Variants in MIER2 observed in about 807,000 individuals in gnomAD.
The protein encoded by MIER2 is mesoderm induction early response protein 2.
Under a neutral mutation model 67.6 loss-of-function variants are expected in MIER2, and 30 were observed. The ratio of observed to expected loss-of-function variants is 0.44; its 90% confidence interval spans 0.33 to 0.60. The LOEUF is 0.60. Among genes scored for constraint, MIER2 ranks in the 20% least tolerant of loss-of-function variants. The pLI is 0.02. For missense variants in MIER2, 702 were observed against 745.1 expected (o/e 0.94, Z 0.67); for synonymous variants, 372 against 312.6 (o/e 1.19, Z -2.00).
At chr19:330,142 G>T (rs1019374625) in intron 3 of MIER2, 1 of 152,156 alleles carries the variant, frequency 6.6e-6, no homozygotes, top group African/African-American at 2.4e-5. Flanking sequence ...TGCAAGCCAG[G>T]GGGGCTGTTA....
intron 6 of MIER2, 27 bp from the exon 7 acceptor site, chr19:325,731 G>GTGC: frequency 6.2e-7 from 1 of 1,613,892 alleles, no homozygotes; most frequent in Non-Finnish European, 8.5e-7. Flanking sequence ...TGGGAATCAG[G>GTGC]ACACTGAGGA....
chr19:318,823 G>A (rs940677341), intron 7 of MIER2, among the ~76,000 whole-genome samples: 14 of 152,052 alleles, frequency 9.2e-5, no homozygotes, highest in Admixed American at 3.9e-4. Context: ...TTGGGAGGCC[G>A]AGGCGGGCAG....
At chr19:319,081 A>C (rs1414276863) in intron 7 of MIER2, among the ~76,000 whole-genome samples, 1 of 151,442 alleles carries the variant, frequency 6.6e-6, no homozygotes, top group Non-Finnish European at 1.5e-5. Context: ...ATCAGTAAAA[A>C]GGCTGGGTGC....
intron 7 of MIER2, among the ~76,000 whole-genome samples, chr19:319,008 G>A (rs1048048216): frequency 2.8e-5 from 4 of 144,480 alleles, no homozygotes; most frequent in African/African-American, 1.0e-4. Flanking sequence ...AGTGAACAGA[G>A]TTCACGCCAC....
chr19:321,162 G>A (rs72984471), intron 7 of MIER2, among the ~76,000 whole-genome samples: 21 of 152,006 alleles, frequency 1.4e-4, no homozygotes, highest in Non-Finnish European at 2.4e-4. Context: ...ATCTGCTGGC[G>A]CCTGACCGTA....
At chr19:336,492 AAC>A (rs1568237344) in intron 1 of MIER2, among the ~76,000 whole-genome samples, 3 of 152,226 alleles carry the variant, frequency 2.0e-5, no homozygotes, top group African/African-American at 7.2e-5. Flanking sequence ...GATGAAGCTC[AAC>A]AACAGCATGC....
chr19:325,583 C>T, intron 7 of MIER2, 52 bp downstream of exon 7: 5 of 1,601,086 alleles, frequency 3.1e-6, no homozygotes, highest in East Asian at 2.2e-5. Context: ...TCCAGCCAGG[C>T]CACTCCCCTT....
chr19:326,040 G>A (rs1037126918), intron 6 of MIER2, among the ~76,000 whole-genome samples: 21 of 152,256 alleles, frequency 1.4e-4, no homozygotes, highest in African/African-American at 4.3e-4. Context: ...CGAGCAGCAC[G>A]TCCCTCCTCT....
At chr19:334,228 A>G in intron 3 of MIER2, 172 bp downstream of exon 3, 1 of 911,532 alleles carries the variant, frequency 1.1e-6, no homozygotes, top group African/African-American at 1.7e-5. Context: ...AGAGAGCCCC[A>G]TGAAAGACCT....
At chr19:343,220 A>G (rs1972581457) in intron 1 of MIER2, among the ~76,000 whole-genome samples, 1 of 152,240 alleles carries the variant, frequency 6.6e-6, no homozygotes, top group Non-Finnish European at 1.5e-5. Context: ...CAGAACAGCC[A>G]CATGGCAGCT....
At chr19:339,407 C>T (rs1454901629) in intron 1 of MIER2, among the ~76,000 whole-genome samples, 2 of 152,182 alleles carry the variant, frequency 1.3e-5, no homozygotes, top group African/African-American at 4.8e-5. Context: ...GATACCACTT[C>T]CTAATCAGAG....
intron 1 of MIER2, chr19:344,554 T>C (rs913219416): frequency 1.5e-4 from 40 of 266,038 alleles, no homozygotes; most frequent in Non-Finnish European, 2.0e-4. Context: ...CAGCCCGCGA[T>C]GTGGCAGCCG....
intron 3 of MIER2, among the ~76,000 whole-genome samples, chr19:330,606 T>A (rs1292669223): frequency 5.3e-5 from 8 of 151,260 alleles, no homozygotes; most frequent in Admixed American, 5.3e-4. Flanking sequence ...TATCAACTGT[T>A]ACAGTCAACC....
chr19:314,811 C>T (rs141089586), intron 7 of MIER2, among the ~76,000 whole-genome samples: 2 of 152,112 alleles, frequency 1.3e-5, no homozygotes, highest in Non-Finnish European at 2.9e-5. Context: ...AAACATTAAC[C>T]GGATGTGAGG....
rs1209473550 is a variant in MIER2 at position 313,543 on chromosome 19, C to T, written c.756G>A (p.Glu252=). 1.2e-6 allele frequency: 2 copies of T among 1,613,216 alleles called. No homozygotes were observed. Among genetic ancestry groups the T allele is most frequent in the African/African-American group, 1.3e-5 (1 of 75,058 alleles). Residue 252 remains glutamate (E), a synonymous_variant, in exon 8 of 14, where the codon GAG becomes GAA. Transcript: ENST00000264819. ...LYRAVKRRWH[E]MAGPQLPEGE... is the part of the protein sequence containing the mutation. The stretch of plus-strand genomic sequence containing the variant: ...CCTCTGGGAGCTGAGGCCCGGCCAT[C>T]TCGTGCCAACGCCGCTTCACCGCCC...
intron 1 of MIER2, chr19:344,422 C>G: frequency 1.0e-6 from 1 of 978,280 alleles, no homozygotes; most frequent in African/African-American, 1.8e-5. Context: ...GGCCGGGAAC[C>G]GGAGCCGGAC....
At chr19:310,597 ACAGCC>A (rs1970929318) in intron 10 of MIER2, among the ~76,000 whole-genome samples, 9 of 55,394 alleles carry the variant, frequency 1.6e-4, no homozygotes, top group African/African-American at 7.1e-4. Context: ...CTGCAGAAAC[ACAGCC>A]GGGAGCTATA....
Position 307,428 on chromosome 19 carries a change from T to TTC in MIER2, c.1306_1307insGA (p.Glu436GlyfsTer83). On this transcript the variant is annotated frameshift_variant, in exon 13 of 14. Coordinates refer to ENST00000264819, the MANE Select transcript of MIER2 (RefSeq NM_017550.3). LOFTEE classifies it high-confidence loss of function. ...ATGGGACAGGGGTACAGCGGGGGACTCATCCAGCTGCTGGAAGGAACACGG... is the reference window on the plus strand; with the variant it reads ...ATGGGACAGGGGTACAGCGGGGGACTTCCATCCAGCTGCTGGAAGGAACACGG... 3 of 1,595,958 alleles carry TTC rather than the reference T, an allele frequency of 1.9e-6. No homozygotes were observed. Among genetic ancestry groups the TTC allele is most frequent in the Non-Finnish European group, 2.6e-6 (3 of 1,171,516 alleles).
intron 7 of MIER2, among the ~76,000 whole-genome samples, chr19:325,010 C>A (rs1971676965): frequency 6.6e-6 from 1 of 152,242 alleles, no homozygotes; most frequent in Admixed American, 6.5e-5. Context: ...TTCTGCTGCA[C>A]CTGTCCCTTC....
Sources: gnomAD v4.1 joint callset for allele counts (sites outside exome capture counted in the v4.1 genomes callset) on GRCh38, gnomAD v4.1.1 for gene constraint, MANE v1.5 for transcripts, NCBI Gene and HGNC (gene_info 2026-07-23, HGNC 2026-07-21) for gene names.